BANK1: variants seen among roughly 807,000 people sequenced by gnomAD.
BANK1 encodes the protein B cell scaffold protein with ankyrin repeats 1.
Under a neutral mutation model 94.5 loss-of-function variants are expected in BANK1, and 95 were observed. The ratio of observed to expected loss-of-function variants is 1.00; its 90% CI spans 0.85 to 1.19. BANK1 has a LOEUF of 1.19. BANK1 is among the 50% of genes most tolerant of loss of function. The probability of loss-of-function intolerance (pLI) is 0.00; values close to 1 mark genes in which losing one functional copy is unlikely to be tolerated. For synonymous variants in BANK1, 334 were observed against 308.4 expected, an observed-to-expected ratio of 1.08 and a Z score of -0.87; for missense variants, 987 against 932.2, an observed-to-expected ratio of 1.06 and a Z score of -0.77.
chr4:101,862,552 G>A lies in BANK1; in HGVS notation c.651G>A (p.Leu217=). 2 of 1,605,720 alleles carry A rather than the reference G, an allele frequency of 1.2e-6. No individual in the cohort carries two copies. Among genetic ancestry groups the A allele is most frequent in the South Asian group, 2.2e-5 (2 of 88,988 alleles). ...CENPGEIFII[L]RDEVIGDTVE... ...ATCCTGGTGAAATATTCATAATTTTGAGAGATGAAGTAATTGGTGATACTG... is the reference window on the plus strand; with the variant it reads ...ATCCTGGTGAAATATTCATAATTTTAAGAGATGAAGTAATTGGTGATACTG... The change falls in exon 4 of 17, where the codon TTG becomes TTA. Residue 217 remains leucine, a synonymous_variant. Transcript: ENST00000322953.
At chr4:101,829,756 T>A (rs1375675044) in intron 1 of BANK1, 52 bp from the exon 2 acceptor site, 3 of 1,237,238 alleles carry the variant, frequency 2.4e-6, no homozygotes, top group Non-Finnish European at 3.3e-6. Context: ...AAATAATAAT[T>A]TAACCTGCTG....
chr4:101,849,370 C>T (rs1343541820), intron 2 of BANK1, among the ~76,000 whole-genome samples: 1 of 152,140 alleles, frequency 6.6e-6, no homozygotes, highest in Non-Finnish European at 1.5e-5. Flanking sequence ...AGAATGTTCT[C>T]TCTCTTCTCT....
At chr4:101,924,049 C>T (rs974259388) in intron 7 of BANK1, among the ~76,000 whole-genome samples, 1 of 151,704 alleles carries the variant, frequency 6.6e-6, no homozygotes, top group African/African-American at 2.4e-5. Context: ...TATTTATTTA[C>T]ACGCTTTGCA....
In BANK1 at chr4:101,829,922, T is replaced by G. The variant is rs1194585813; in HGVS notation, c.185T>G (p.Leu62Trp). Reference sequence around the variant, plus strand: ...AGGGAAGCCATCCTGTTATATCGCTTGGAGAATTTCTCTTTTCGGCATTTG... The same window carrying G: ...AGGGAAGCCATCCTGTTATATCGCTGGGAGAATTTCTCTTTTCGGCATTTG... ...VKREAILLYRLENFSFRHLEL... is the reference protein window; with the variant it reads ...VKREAILLYRWENFSFRHLEL... Residue 62 changes from leucine to tryptophan, a missense_variant, in exon 2 of 17, where the codon TTG becomes TGG. Coordinates refer to ENST00000322953, the MANE Select transcript of BANK1 (RefSeq NM_017935.5). 3 of 1,614,018 alleles carry G rather than the reference T, an allele frequency of 1.9e-6. No homozygotes were observed. The highest frequency in any genetic ancestry group is 2.5e-6 in the Non-Finnish European group (3 of 1,179,936).
chr4:102,067,249 TAAA>T (rs1421799609), intron 13 of BANK1, among the ~76,000 whole-genome samples: 1 of 151,770 alleles, frequency 6.6e-6, no homozygotes, highest in Admixed American at 6.6e-5. Flanking sequence ...AAGAGGAACA[TAAA>T]AAAATGGAAA....
At chr4:101,845,151 C>T (rs552920390) in intron 2 of BANK1, among the ~76,000 whole-genome samples, 11 of 152,014 alleles carry the variant, frequency 7.2e-5, no homozygotes, top group East Asian at 1.9e-4. Flanking sequence ...AATACTATTC[C>T]GTTCCATGAT....
intron 2 of BANK1, among the ~76,000 whole-genome samples, chr4:101,837,763 C>T (rs1299254842): frequency 6.6e-6 from 1 of 152,094 alleles, no homozygotes; most frequent in Non-Finnish European, 1.5e-5. Context: ...TAGTCCTAGG[C>T]AGCAGACTGT....
At chr4:101,792,458 TG>T (rs1560576010) in intron 1 of BANK1, among the ~76,000 whole-genome samples, 4 of 99,964 alleles carry the variant, frequency 4.0e-5, no homozygotes, top group Non-Finnish European at 9.7e-5. Context: ...TGTGTGTGTG[TG>T]TGTGTGTGTG....
At chr4:101,921,984 T>C (rs761221304) in intron 7 of BANK1, among the ~76,000 whole-genome samples, 4 of 151,182 alleles carry the variant, frequency 2.6e-5, no homozygotes, top group Non-Finnish European at 4.4e-5. Flanking sequence ...CCTACACTGC[T>C]CTTTGTCCCT....
intron 7 of BANK1, among the ~76,000 whole-genome samples, chr4:101,977,986 C>T (rs766045540): frequency 3.3e-5 from 5 of 151,466 alleles, no homozygotes; most frequent in Non-Finnish European, 4.4e-5. Flanking sequence ...TTTTTTGAGA[C>T]GGAGTCTCAC....
chr4:102,033,835 A>G (rs1298968456), intron 10 of BANK1, among the ~76,000 whole-genome samples: 1 of 152,226 alleles, frequency 6.6e-6, no homozygotes, highest in African/African-American at 2.4e-5. Flanking sequence ...GCTGGACTAC[A>G]AATAATGTCA....
intron 7 of BANK1, among the ~76,000 whole-genome samples, chr4:101,998,084 T>C (rs1298309987): frequency 6.6e-6 from 1 of 152,216 alleles, no homozygotes; most frequent in Non-Finnish European, 1.5e-5. Context: ...AAACACTGCT[T>C]TACTTGTTTC....
chr4:101,989,607 G>A (rs958825962), intron 7 of BANK1, among the ~76,000 whole-genome samples: 24 of 151,680 alleles, frequency 1.6e-4, no homozygotes, highest in Non-Finnish European at 3.2e-4. Flanking sequence ...ATTTAGCGTC[G>A]TGTCTCCTGA....
Position 102,030,275 on chromosome 4 carries a change from ATTG to A in BANK1, c.1900+16_1900+18del, listed in dbSNP as rs1560697110. 1.3e-6 allele frequency: 2 copies of A among 1,551,352 alleles called. No homozygotes were observed. Among genetic ancestry groups the A allele is most frequent in the Non-Finnish European group, 1.7e-6 (2 of 1,155,156 alleles). ...CCTTACATAGCTCAAGGTAATTATCATTGTTGTTTGTTTACTTGTTAATTTTTT... is the reference window on the plus strand; with the variant it reads ...CCTTACATAGCTCAAGGTAATTATCATTGTTTGTTTACTTGTTAATTTTTT... On this transcript the variant is annotated intron_variant, in intron 10 of 16. Coordinates refer to ENST00000322953, the MANE Select transcript of BANK1 (RefSeq NM_017935.5).
intron 7 of BANK1, among the ~76,000 whole-genome samples, chr4:101,942,756 A>G (rs959269521): frequency 6.6e-6 from 1 of 151,912 alleles, no homozygotes; most frequent in Non-Finnish European, 1.5e-5. Flanking sequence ...GAGAAAAGGT[A>G]GAAAAATAGC....
chr4:102,017,269 G>A (rs1223947046), intron 7 of BANK1, among the ~76,000 whole-genome samples: 1 of 152,126 alleles, frequency 6.6e-6, no homozygotes, highest in Non-Finnish European at 1.5e-5. Context: ...ATGGTCAGAG[G>A]CATTTGGCCC....
intron 7 of BANK1, among the ~76,000 whole-genome samples, chr4:101,978,618 T>C (rs1725218289): frequency 6.6e-6 from 1 of 152,064 alleles, no homozygotes; most frequent in African/African-American, 2.4e-5. Context: ...GCTTTCTTGT[T>C]GTGTTTCTGA....
At chr4:101,893,605 A>G (rs1646062946) in intron 5 of BANK1, among the ~76,000 whole-genome samples, 1 of 152,012 alleles carries the variant, frequency 6.6e-6, no homozygotes, top group South Asian at 2.1e-4. Flanking sequence ...AAGTGTCAAC[A>G]TATTACCAAT....
At chr4:101,971,505 G>A (rs921490518) in intron 7 of BANK1, among the ~76,000 whole-genome samples, 28 of 152,056 alleles carry the variant, frequency 1.8e-4, no homozygotes, top group Non-Finnish European at 3.4e-4. Context: ...TGTTTAGTTT[G>A]ATGTGATTCT....
Sources: gnomAD v4.1 joint callset for allele counts (sites outside exome capture counted in the v4.1 genomes callset) on GRCh38, gnomAD v4.1.1 for gene constraint, MANE v1.5 for transcripts, NCBI Gene and HGNC (gene_info 2026-07-23, HGNC 2026-07-21) for gene names.